RFTN2: variants seen among roughly 807,000 people sequenced by gnomAD.
The protein encoded by RFTN2 is raftlin family member 2, also known as raftlin-2.
RFTN2 carries 34 observed loss-of-function variants against 52.7 expected under a neutral mutation model. That is an observed-to-expected ratio of 0.64 (90% CI 0.49 to 0.86). The LOEUF is 0.86. Ranked by LOEUF, RFTN2 falls within the 40% of genes least tolerant of loss-of-function variation. The pLI, the probability that RFTN2 is intolerant of heterozygous loss-of-function variation, is 0.00. For synonymous variants in RFTN2, 203 were observed against 217.7 expected (o/e 0.93, Z 0.59); for missense variants, 536 against 600.1 (o/e 0.89, Z 1.12).
chr2:197,656,448 G>C (rs750668390), intron 1 of RFTN2, among the ~76,000 whole-genome samples: 1 of 152,096 alleles, frequency 6.6e-6, no homozygotes, highest in Non-Finnish European at 1.5e-5. Context: ...CAAGAATAAA[G>C]AATAATATTA....
rs374686621 is a variant in RFTN2, at chr2:197,592,525, G to C, written c.1233+3466C>G. The stretch of plus-strand genomic sequence containing the variant: ...AATTTTTTTCAAAGGTCAGACTCTA[G>C]GTTAATTTCTATCAGCCCATGAAAT... On this transcript the variant is annotated intron_variant, in intron 8 of 8. Transcript: ENST00000295049. Among the ~76,000 whole-genome samples, 5 of 152,256 alleles carry C rather than the reference G, an allele frequency of 3.3e-5. No individual in the cohort carries two copies. The East Asian group carries it at 9.6e-4, about 29-fold the overall frequency.
At chr2:197,618,446 C>A (rs1267337626) in intron 5 of RFTN2, among the ~76,000 whole-genome samples, 2 of 152,030 alleles carry the variant, frequency 1.3e-5, no homozygotes, top group Non-Finnish European at 2.9e-5. Context: ...CAACCTCCAC[C>A]TCCCAGCAGC....
At chr2:197,589,153 C>T (rs1298618199) in intron 8 of RFTN2, among the ~76,000 whole-genome samples, 8 of 124,440 alleles carry the variant, frequency 6.4e-5, no homozygotes, top group East Asian at 2.7e-4. Context: ...ACTGGAGAGG[C>T]GGAGGTTGCA....
Position 197,675,532 on chromosome 2 carries a change from A to G in RFTN2, c.-74T>C. 9.3e-7 allele frequency: 1 copy of G among 1,070,236 alleles called. No individual in the cohort carries two copies. The highest frequency in any genetic ancestry group is 2.8e-5 in the South Asian group (1 of 36,360). The allele number at this position is 1,070,236 out of a possible 1,614,324, so 66.3% of individuals were successfully genotyped here. Reference sequence around the variant, plus strand: ...CAAATTCTGTTGTTTAAGCTGCAAAAAGAAAGTTACAGACTTAACTGCTTT... The same window carrying G: ...CAAATTCTGTTGTTTAAGCTGCAAAGAGAAAGTTACAGACTTAACTGCTTT... On this transcript the variant is annotated 5_prime_UTR_variant, in exon 1 of 9. Coordinates refer to ENST00000295049, the MANE Select transcript of RFTN2 (RefSeq NM_144629.3).
At chr2:197,643,910 C>G (rs1467733237) in intron 3 of RFTN2, among the ~76,000 whole-genome samples, 3 of 152,116 alleles carry the variant, frequency 2.0e-5, no homozygotes, top group Non-Finnish European at 4.4e-5. Context: ...CATTTTATTT[C>G]ATCAGGTTTG....
intron 7 of RFTN2, among the ~76,000 whole-genome samples, chr2:197,614,136 A>ATCTGCCCT (rs1421303871): frequency 3.3e-5 from 5 of 152,246 alleles, no homozygotes; most frequent in African/African-American, 1.2e-4. Flanking sequence ...CCAGAATGTA[A>ATCTGCCCT]GTCCCTTGTT....
intron 5 of RFTN2, among the ~76,000 whole-genome samples, chr2:197,627,362 A>T (rs1033178049): frequency 6.6e-6 from 1 of 152,114 alleles, no homozygotes; most frequent in African/African-American, 2.4e-5. Context: ...CAATTTTCTT[A>T]GTTTTGAAAT....
chr2:197,607,475 TATAATAATA>T (rs67699316), intron 7 of RFTN2, among the ~76,000 whole-genome samples: 3,189 of 147,540 alleles, frequency 0.022, 55 homozygotes, highest in Non-Finnish European at 0.032. Flanking sequence ...AAACTTGAAG[TATAATAATA>T]ATAATAATAA....
chr2:197,576,015 TTTG>T (rs996679891), intron 8 of RFTN2, among the ~76,000 whole-genome samples: 7 of 150,920 alleles, frequency 4.6e-5, no homozygotes, highest in Non-Finnish European at 8.8e-5. Flanking sequence ...GGAGCCTTTT[TTTG>T]TTGTTGTTGA....
At position 197,571,955 on chromosome 2, in the gene RFTN2, G is replaced by A. The variant is rs543303017; in HGVS notation, c.*53C>T. ...AGAAAGTAATACAATAAGGTCAGTT[G>A]GCAATGATTTTAACAATTATTTACA... is the stretch of plus-strand genomic sequence containing the variant. On this transcript the variant is annotated 3_prime_UTR_variant, in exon 9 of 9. Transcript: ENST00000295049. 100 of 1,549,954 alleles carry A rather than the reference G, an allele frequency of 6.5e-5. No homozygotes were observed. The highest frequency in any genetic ancestry group is 2.3e-5 in the East Asian group (1 of 44,278).
At chr2:197,659,589 G>A (rs558351333) in intron 1 of RFTN2, among the ~76,000 whole-genome samples, 2 of 150,248 alleles carry the variant, frequency 1.3e-5, no homozygotes, top group East Asian at 1.9e-4. Flanking sequence ...AGGCTGAGGC[G>A]GGTGGATTAC....
At chr2:197,642,791 C>G (rs1271404075) in intron 3 of RFTN2, among the ~76,000 whole-genome samples, 1 of 152,094 alleles carries the variant, frequency 6.6e-6, no homozygotes, top group Non-Finnish European at 1.5e-5. Context: ...TAAGACTAGC[C>G]TGGGCAATAC....
At chr2:197,612,293 CT>C (rs1246312392) in intron 7 of RFTN2, among the ~76,000 whole-genome samples, 1 of 152,134 alleles carries the variant, frequency 6.6e-6, no homozygotes, top group Admixed American at 6.5e-5. Flanking sequence ...CTTACCCTCA[CT>C]TTCTCTCTCT....
chr2:197,582,249 T>C (rs1269847487), intron 8 of RFTN2, among the ~76,000 whole-genome samples: 3 of 152,266 alleles, frequency 2.0e-5, no homozygotes, highest in African/African-American at 7.2e-5. Context: ...CTGACACATA[T>C]ACTTTCTGCT....
chr2:197,656,663 TC>T (rs2088897883), intron 1 of RFTN2, among the ~76,000 whole-genome samples: 1 of 152,146 alleles, frequency 6.6e-6, no homozygotes, highest in Non-Finnish European at 1.5e-5. Flanking sequence ...TTGAATATAT[TC>T]CAAAAATATG....
intron 3 of RFTN2, among the ~76,000 whole-genome samples, chr2:197,641,691 C>T (rs185945276): frequency 6.6e-6 from 1 of 152,268 alleles, no homozygotes; most frequent in Admixed American, 6.5e-5. Flanking sequence ...AGAGTGAACA[C>T]TGGTATAATG....
At chr2:197,638,925 G>T in intron 3 of RFTN2, among the ~76,000 whole-genome samples, 1 of 151,242 alleles carries the variant, frequency 6.6e-6, no homozygotes, top group African/African-American at 2.4e-5. Context: ...GCTCTTTTTG[G>T]GCAGGCCTGG....
chr2:197,572,322 G>C, intron 8 of RFTN2, 42 bp from the exon 9 acceptor site: 7 of 1,595,752 alleles, frequency 4.4e-6, no homozygotes, highest in Non-Finnish European at 6.0e-6. Context: ...TTAAAAAGAT[G>C]GGTGTTTCCT....
chr2:197,594,007 G>C (rs1325696668), intron 8 of RFTN2, among the ~76,000 whole-genome samples: 2 of 143,068 alleles, frequency 1.4e-5, no homozygotes, highest in African/African-American at 5.2e-5. Context: ...CTTTTAGGCA[G>C]AATATTTCTT....
Sources: allele counts gnomAD v4.1 joint callset (sites outside exome capture counted in the v4.1 genomes callset), GRCh38; gene constraint gnomAD v4.1.1; transcripts MANE v1.5; gene names NCBI Gene and HGNC (gene_info 2026-07-23, HGNC 2026-07-21).